ANKRD44: variants seen among roughly 807,000 people sequenced by gnomAD.
ANKRD44 encodes serine/threonine-protein phosphatase 6 regulatory ankyrin repeat subunit B.
A neutral mutation model predicts 116.0 loss-of-function variants in ANKRD44; 35 were observed. The ratio of observed to expected loss-of-function variants is 0.30; its 90% CI spans 0.23 to 0.40. ANKRD44 has a LOEUF of 0.40. Among genes scored for constraint, ANKRD44 ranks in the 10% least tolerant of loss-of-function variants. The pLI is 1.00. For synonymous variants in ANKRD44, 435 were observed against 461.8 expected (o/e 0.94, Z 0.74); for missense variants, 1,014 against 1,242.6 (o/e 0.82, Z 2.77).
chr2:197,090,453 G>A (rs1054117003), intron 10 of ANKRD44, among the ~76,000 whole-genome samples: 5 of 150,746 alleles, frequency 3.3e-5, no homozygotes, highest in Non-Finnish European at 5.9e-5. Flanking sequence ...ACAAACTCAA[G>A]TTTGAAAAGC....
At chr2:196,973,543 A>C (rs2075730596) in intron 21 of ANKRD44, among the ~76,000 whole-genome samples, 2 of 152,224 alleles carry the variant, frequency 1.3e-5, no homozygotes, top group Admixed American at 1.3e-4. Context: ...TTTGAACAAC[A>C]TCAAAGGATA....
At chr2:197,056,387 C>T (rs944243734) in intron 16 of ANKRD44, among the ~76,000 whole-genome samples, 6 of 151,898 alleles carry the variant, frequency 4.0e-5, no homozygotes, top group South Asian at 2.1e-4. Flanking sequence ...TGTTTTTCTA[C>T]GTATTGAAAC....
Position 197,212,297 on chromosome 2 carries a change from G to T in ANKRD44, c.28-25191C>A, listed in dbSNP as rs1264251480. Among the ~76,000 whole-genome samples, 1 of 152,180 alleles carries T rather than the reference G, an allele frequency of 6.6e-6. No individual in the cohort carries two copies. The highest frequency in any genetic ancestry group is 1.9e-4 in the East Asian group (1 of 5,194). On this transcript the variant is annotated intron_variant, in intron 1 of 27. Coordinates refer to ENST00000282272, the MANE Select transcript of ANKRD44 (RefSeq NM_001195144.2). The surrounding 1 kb of genome is among the most constrained non-coding windows in gnomAD (Gnocchi z 4.8). ...AACTGGCTTTTATGAGCCAGTAAGT[G>T]TGTGAGCTTAGATCATGGATAATTT...
At chr2:197,099,435 T>TA (rs1553507495) in intron 10 of ANKRD44, 1 of 829,130 alleles carries the variant, frequency 1.2e-6, no homozygotes, top group Non-Finnish European at 1.5e-6. Context: ...TTGTACTCTA[T>TA]AACCATATCA....
intron 1 of ANKRD44, among the ~76,000 whole-genome samples, chr2:197,258,270 C>CATT (rs2082505497): frequency 2.5e-5 from 2 of 79,222 alleles, no homozygotes; most frequent in African/African-American, 1.2e-4. Context: ...TTGGCTAATC[C>CATT]TTTTTTTTTT....
At chr2:197,100,839 C>T (rs1364265140) in intron 9 of ANKRD44, among the ~76,000 whole-genome samples, 1 of 151,976 alleles carries the variant, frequency 6.6e-6, no homozygotes, top group Non-Finnish European at 1.5e-5. Flanking sequence ...TTTTATTTTG[C>T]CTTCTCTTCC....
intron 17 of ANKRD44, among the ~76,000 whole-genome samples, chr2:197,021,578 A>G (rs1382408403): frequency 6.6e-6 from 1 of 152,186 alleles, no homozygotes; most frequent in Non-Finnish European, 1.5e-5. Context: ...TCATGTGTCT[A>G]TTGGGTACAT....
At chr2:197,055,828 CTTTA>C (rs2077192338) in intron 16 of ANKRD44, among the ~76,000 whole-genome samples, 1 of 152,112 alleles carries the variant, frequency 6.6e-6, no homozygotes, top group South Asian at 2.1e-4. Flanking sequence ...TTTCTCAACT[CTTTA>C]TTCTGTTCTT....
intron 21 of ANKRD44, among the ~76,000 whole-genome samples, chr2:196,976,197 C>T (rs980047078): frequency 2.6e-4 from 39 of 152,012 alleles, no homozygotes; most frequent in African/African-American, 6.8e-4. Context: ...AGTGCAGTGG[C>T]GCAATCTTGG....
intron 16 of ANKRD44, among the ~76,000 whole-genome samples, chr2:197,044,167 T>C (rs530287993): frequency 6.6e-6 from 1 of 152,370 alleles, no homozygotes; most frequent in African/African-American, 2.4e-5. Context: ...CTCTGTATGT[T>C]ATCATAGTCA....
At chr2:197,251,358 A>G (rs1161312694) in intron 1 of ANKRD44, among the ~76,000 whole-genome samples, 1 of 152,182 alleles carries the variant, frequency 6.6e-6, no homozygotes, top group Non-Finnish European at 1.5e-5. Context: ...TTTCCTTTAG[A>G]ATAAATTCCA....
chr2:197,117,641 T>C (rs886159676), intron 8 of ANKRD44, among the ~76,000 whole-genome samples: 1 of 152,158 alleles, frequency 6.6e-6, no homozygotes, highest in African/African-American at 2.4e-5. Context: ...AAGTGCTGGA[T>C]TACAGGCATG....
At chr2:197,123,554 C>A (rs1157260546) in intron 6 of ANKRD44, among the ~76,000 whole-genome samples, 1 of 152,220 alleles carries the variant, frequency 6.6e-6, no homozygotes, top group Non-Finnish European at 1.5e-5. Flanking sequence ...TCACTTGAAC[C>A]TGGGAGGCAG....
intron 13 of ANKRD44, among the ~76,000 whole-genome samples, chr2:197,083,793 A>G (rs760922173): frequency 1.2e-4 from 19 of 152,206 alleles, no homozygotes; most frequent in African/African-American, 1.9e-4. Context: ...CAGTGTCCCA[A>G]ACGTTGCAGA....
intron 2 of ANKRD44, among the ~76,000 whole-genome samples, chr2:197,161,983 G>A (rs142763665): frequency 2.6e-5 from 4 of 152,162 alleles, no homozygotes; most frequent in African/African-American, 4.8e-5. Context: ...ACCATGCTAC[G>A]GTCTCGTGAC....
intron 2 of ANKRD44, among the ~76,000 whole-genome samples, chr2:197,166,514 A>G (rs2080104487): frequency 6.6e-6 from 1 of 152,264 alleles, no homozygotes; most frequent in Non-Finnish European, 1.5e-5. Flanking sequence ...TGATAAGGAT[A>G]TGGCTACAGA....
chr2:197,213,544 T>C (rs2081372334), intron 1 of ANKRD44, among the ~76,000 whole-genome samples: 2 of 152,200 alleles, frequency 1.3e-5, no homozygotes. Flanking sequence ...AAAGCACTGA[T>C]AAATATTTTC....
chr2:196,993,730 A>C (rs1188172892), intron 26 of ANKRD44, 56 bp from the exon 27 acceptor site: 1 of 1,424,560 alleles, frequency 7.0e-7, no homozygotes, highest in Non-Finnish European at 9.7e-7. Context: ...GAGAATGTGG[A>C]ATTTTTGTTA....
intron 1 of ANKRD44, among the ~76,000 whole-genome samples, chr2:197,287,348 G>A (rs2083435743): frequency 6.6e-6 from 1 of 152,102 alleles, no homozygotes; most frequent in South Asian, 2.1e-4. Flanking sequence ...AAGTATGAAG[G>A]AAGAGATTAA....
Sources: allele counts gnomAD v4.1 joint callset (sites outside exome capture counted in the v4.1 genomes callset), GRCh38; gene constraint gnomAD v4.1.1; non-coding constraint Gnocchi (gnomAD v3.1); transcripts MANE v1.5; gene names NCBI Gene and HGNC (gene_info 2026-07-23, HGNC 2026-07-21).